Variants in TEF observed in about 807,000 individuals in gnomAD.
TEF encodes thyrotroph embryonic factor.
Under a neutral mutation model 20.8 loss-of-function variants are expected in TEF, and 3 were observed. The ratio of observed to expected loss-of-function variants is 0.14; its 90% CI spans 0.07 to 0.37. The LOEUF is 0.37. Ranked by LOEUF, TEF falls within the 10% of genes least tolerant of loss-of-function variation. The pLI is 1.00. For missense variants in TEF, 296 were observed against 397.9 expected (o/e 0.74, Z 2.18); for synonymous variants, 180 against 171.1 (o/e 1.05, Z -0.41).
At chr22:41,380,256 G>A (rs185231846), upstream of TEF, among the ~76,000 whole-genome samples, 2 of 152,268 alleles carry the variant, frequency 1.3e-5, no homozygotes, top group African/African-American at 4.8e-5. Flanking sequence ...GGTTCAAACC[G>A]ATTCTCGTGC....
chr22:41,380,516 T>C (rs1009868674), upstream of TEF, among the ~76,000 whole-genome samples: 2 of 152,160 alleles, frequency 1.3e-5, no homozygotes, highest in South Asian at 2.1e-4. Flanking sequence ...GTCTGGATCA[T>C]GCATCTACCC....
chr22:41,373,770 T>C (rs972839287), intron 1 of TEF, among the ~76,000 whole-genome samples: 9 of 149,598 alleles, frequency 6.0e-5, no homozygotes, highest in African/African-American at 1.7e-4. Context: ...GCCCGGACTT[T>C]TTTTTTTTTT....
chr22:41,370,434 C>T (rs1417644000), intron 1 of TEF, among the ~76,000 whole-genome samples: 2 of 125,250 alleles, frequency 1.6e-5, no homozygotes, highest in Admixed American at 8.3e-5. Flanking sequence ...TTTTTTTGAG[C>T]CAGTGTCTCA....
intron 2 of TEF, among the ~76,000 whole-genome samples, chr22:41,392,790 A>G (rs2037183756): frequency 1.3e-5 from 2 of 151,762 alleles, no homozygotes; most frequent in African/African-American, 4.8e-5. Flanking sequence ...TAATCCCAGC[A>G]TTTTGGGAGG....
chr22:41,393,464 T>A (rs917268218), intron 2 of TEF, among the ~76,000 whole-genome samples: 7 of 151,764 alleles, frequency 4.6e-5, no homozygotes, highest in Non-Finnish European at 1.0e-4. Context: ...ATATAAAAAT[T>A]TAATGTTTTA....
At chr22:41,376,526 C>A (rs938379926) in intron 1 of TEF, among the ~76,000 whole-genome samples, 1 of 152,204 alleles carries the variant, frequency 6.6e-6, no homozygotes, top group Non-Finnish European at 1.5e-5. Context: ...TCGTGCCAGG[C>A]CTGAACAAAG....
rs1333829826 is a variant in TEF, at chr22:41,396,604, G to A, written c.*644G>A. ...GTGTGCCCAGCGTTTCTCGGCTCCCGCACCCCTTTTCCCTTATGGCTCTGA... is the reference window on the plus strand; with the variant it reads ...GTGTGCCCAGCGTTTCTCGGCTCCCACACCCCTTTTCCCTTATGGCTCTGA... On this transcript the variant is annotated 3_prime_UTR_variant, in exon 4 of 4. Coordinates refer to ENST00000266304, the MANE Select transcript of TEF (RefSeq NM_003216.4). 14 of 215,290 alleles carry A rather than the reference G, an allele frequency of 6.5e-5. No individual in the cohort carries two copies. The highest frequency in any genetic ancestry group is 1.0e-4 in the Non-Finnish European group (11 of 110,026). The allele number at this position is 215,290 out of a possible 1,614,324, so 13.3% of individuals were successfully genotyped here.
chr22:41,396,800 T>C lies in TEF; in HGVS notation c.*840T>C. On this transcript the variant is annotated 3_prime_UTR_variant, in exon 4 of 4. Transcript: ENST00000266304. The stretch of plus-strand genomic sequence containing the variant: ...CACTAGACCAGGCCTCTGGGCCTGC[T>C]CTTTCTTTCCACCCAATGTCCAGTC... 2.5e-6 allele frequency: 1 copy of C among 396,972 alleles called. No individual in the cohort carries two copies. Among genetic ancestry groups the C allele is most frequent in the Non-Finnish European group, 4.4e-6 (1 of 225,574 alleles). 24.6% of individuals were successfully genotyped at this position (396,972 alleles called of 1,614,324 possible). A position where few individuals can be genotyped will look rare whatever the true frequency, so the allele number is the denominator to read the frequency against.
At chr22:41,389,636 T>G in intron 2 of TEF, among the ~76,000 whole-genome samples, 1 of 141,346 alleles carries the variant, frequency 7.1e-6, no homozygotes, top group East Asian at 2.0e-4. Context: ...TAAATAAAAG[T>G]TTTTTTTTTT....
chr22:41,382,797 C>T (rs1231232287), intron 1 of TEF: 15 of 422,534 alleles, frequency 3.6e-5, no homozygotes, highest in Non-Finnish European at 6.8e-5. Flanking sequence ...GGGGTGTGGG[C>T]GAGTAGTGTG....
At position 41,389,985 on chromosome 22, in the gene TEF, C is replaced by G. The variant is rs569059499; in HGVS notation, c.475+2317C>G. Reference sequence around the variant, plus strand: ...CGGGGTCTCAGCTCACTGCAACCTCCGCCTCCTGGGTTTAAGCGATTCTCC... The same window carrying G: ...CGGGGTCTCAGCTCACTGCAACCTCGGCCTCCTGGGTTTAAGCGATTCTCC... On this transcript the variant is annotated intron_variant, in intron 2 of 3. Coordinates refer to ENST00000266304, the MANE Select transcript of TEF (RefSeq NM_003216.4). Among the ~76,000 whole-genome samples, 3 of 151,898 alleles carry G rather than the reference C, an allele frequency of 2.0e-5. No homozygotes were observed. The East Asian group carries it at 5.8e-4, about 30-fold the overall frequency.
upstream of TEF, among the ~76,000 whole-genome samples, chr22:41,379,542 G>A (rs189428987): frequency 1.3e-5 from 2 of 150,074 alleles, no homozygotes; most frequent in South Asian, 2.1e-4. Flanking sequence ...ACACCATAAG[G>A]TAGAGCCTGC....
chr22:41,382,417 G>C (rs949811738), intron 1 of TEF, among the ~76,000 whole-genome samples: 1 of 152,036 alleles, frequency 6.6e-6, no homozygotes, highest in African/African-American at 2.4e-5. Context: ...GGGAGAGGGT[G>C]GGGAGAGGTT....
intron 1 of TEF, among the ~76,000 whole-genome samples, chr22:41,370,412 ATTTTT>A (rs35657809): frequency 9.2e-6 from 1 of 108,604 alleles, no homozygotes; most frequent in Non-Finnish European, 1.9e-5. Context: ...TGCGCCTGGC[ATTTTT>A]TTTTTTTTTT....
intron 1 of TEF, among the ~76,000 whole-genome samples, chr22:41,384,457 C>T (rs1240267892): frequency 1.3e-5 from 2 of 152,134 alleles, no homozygotes; most frequent in Non-Finnish European, 2.9e-5. Flanking sequence ...CTCCACCCCT[C>T]TCCTTCCTCC....
At chr22:41,384,852 C>T (rs957618268) in intron 1 of TEF, among the ~76,000 whole-genome samples, 2 of 152,096 alleles carry the variant, frequency 1.3e-5, no homozygotes, top group Admixed American at 1.3e-4. Context: ...CTCCAAGGTT[C>T]AAGCAATTCT....
chr22:41,369,149 C>CCCTGA lies in TEF; in HGVS notation c.67+1550_67+1551insCCTGA, dbSNP rs2036852364. ...GCAGGGAGGATTCTCAGGGGCGACT[C>CCCTGA]GGGGCACTGCTCCTCAGATGAGGAT... On this transcript the variant is annotated intron_variant, in intron 1 of 3. Transcript: ENST00000406644. 3.0e-6 allele frequency: 3 copies of CCCTGA among 985,202 alleles called. No homozygotes were observed. The African/African-American group carries it at 5.2e-5, about 17-fold the overall frequency. 61.0% of individuals were successfully genotyped at this position (985,202 alleles called of 1,614,324 possible).
At chr22:41,379,456 G>A (rs1252478055), upstream of TEF, among the ~76,000 whole-genome samples, 1 of 152,110 alleles carries the variant, frequency 6.6e-6, no homozygotes, top group Non-Finnish European at 1.5e-5. Flanking sequence ...GCAGTGAGCC[G>A]AGATCCCGCC....
intron 2 of TEF, among the ~76,000 whole-genome samples, chr22:41,388,229 C>T (rs2145984482): frequency 6.6e-6 from 1 of 151,982 alleles, no homozygotes; most frequent in African/African-American, 2.4e-5. Context: ...AACTCCTAAC[C>T]TCTGGTGATC....
Sources: gnomAD v4.1 joint callset for allele counts (sites outside exome capture counted in the v4.1 genomes callset) on GRCh38, gnomAD v4.1.1 for gene constraint, MANE v1.5 for transcripts, NCBI Gene and HGNC (gene_info 2026-07-23, HGNC 2026-07-21) for gene names.